Variants in BTBD9 observed in about 807,000 individuals in gnomAD.
BTBD9 encodes BTB/POZ domain-containing protein 9.
BTBD9 carries 49 observed loss-of-function variants against 64.3 expected under a neutral mutation model. That is an observed-to-expected ratio of 0.76 (90% CI 0.61 to 0.97). The LOEUF is 0.97. Among genes scored for constraint, BTBD9 ranks in the 50% least tolerant of loss-of-function variants. BTBD9 has a pLI of 0.00. For missense variants in BTBD9, 598 were observed against 762.1 expected (o/e 0.78, Z 2.53); for synonymous variants, 260 against 274.7 (o/e 0.95, Z 0.53).
At chr6:38,394,642 T>C (rs1222778453) in intron 6 of BTBD9, among the ~76,000 whole-genome samples, 2 of 145,594 alleles carry the variant, frequency 1.4e-5, no homozygotes, top group Non-Finnish European at 3.0e-5. Flanking sequence ...AAAATGACAA[T>C]GTCTGACTTT....
intron 9 of BTBD9, among the ~76,000 whole-genome samples, chr6:38,197,454 ATATT>A (rs1762303719): frequency 6.6e-6 from 1 of 152,172 alleles, no homozygotes; most frequent in Non-Finnish European, 1.5e-5. Flanking sequence ...GGCTCCCAGA[ATATT>A]ATTGACACCT....
chr6:38,543,118 G>C (rs1342998816), intron 6 of BTBD9, among the ~76,000 whole-genome samples: 3 of 152,056 alleles, frequency 2.0e-5, no homozygotes, highest in African/African-American at 7.3e-5. Context: ...CTTCTTTCTT[G>C]TCCTTGTTAC....
chr6:38,507,282 T>C (rs141618922), intron 6 of BTBD9, among the ~76,000 whole-genome samples: 9 of 152,324 alleles, frequency 5.9e-5, no homozygotes, highest in African/African-American at 2.2e-4. Context: ...GGATCTATTC[T>C]CAGCATGTAA....
chr6:38,488,698 A>G (rs1337280355), intron 6 of BTBD9, among the ~76,000 whole-genome samples: 1 of 152,148 alleles, frequency 6.6e-6, no homozygotes, highest in Non-Finnish European at 1.5e-5. Flanking sequence ...TGAAGTCTCA[A>G]CCCATTTTGT....
intron 7 of BTBD9, among the ~76,000 whole-genome samples, chr6:38,324,678 G>T (rs1047693499): frequency 6.6e-6 from 1 of 152,172 alleles, no homozygotes; most frequent in Non-Finnish European, 1.5e-5. Flanking sequence ...AGGGTACGTG[G>T]GAGGAAAAGG....
chr6:38,394,995 G>T (rs531881086), intron 6 of BTBD9, among the ~76,000 whole-genome samples: 9 of 151,990 alleles, frequency 5.9e-5, no homozygotes, highest in African/African-American at 2.2e-4. Flanking sequence ...AGACTGTGAT[G>T]ATCTGAATAT....
intron 1 of BTBD9, 142 bp from the exon 2 acceptor site, chr6:38,598,263 A>G (rs2127497733): frequency 3.3e-6 from 2 of 597,868 alleles, no homozygotes; most frequent in Admixed American, 6.9e-5. Context: ...ATCCTTATTA[A>G]CCCATTTATT....
At chr6:38,558,399 G>A (rs918987855) in intron 6 of BTBD9, among the ~76,000 whole-genome samples, 3 of 152,110 alleles carry the variant, frequency 2.0e-5, no homozygotes, top group Admixed American at 6.5e-5. Context: ...TCCTTCTCCT[G>A]CCTGACTACT....
At chr6:38,243,021 T>C (rs12194178) in intron 9 of BTBD9, among the ~76,000 whole-genome samples, 56,559 of 152,088 alleles carry the variant, frequency 0.37, 11,425 homozygotes, top group Non-Finnish European at 0.46. Context: ...GAAGAACTCA[T>C]AGAGCATTTG....
chr6:38,432,367 C>G (rs527377103), intron 6 of BTBD9, among the ~76,000 whole-genome samples: 7 of 151,932 alleles, frequency 4.6e-5, no homozygotes, highest in Admixed American at 2.6e-4. Context: ...CATTCCTGAG[C>G]GGGAGGAATT....
At chr6:38,506,927 T>C (rs1772552356) in intron 6 of BTBD9, among the ~76,000 whole-genome samples, 1 of 152,190 alleles carries the variant, frequency 6.6e-6, no homozygotes, top group Non-Finnish European at 1.5e-5. Flanking sequence ...TTATACTGTT[T>C]TTCCCTAACT....
chr6:38,335,076 C>T (rs1763841688), intron 7 of BTBD9, among the ~76,000 whole-genome samples: 1 of 151,664 alleles, frequency 6.6e-6, no homozygotes. Context: ...CTTCCTTGCT[C>T]TCTCCCTCTC....
intron 1 of BTBD9, among the ~76,000 whole-genome samples, chr6:38,611,105 T>C (rs1777603976): frequency 6.6e-6 from 1 of 152,062 alleles, no homozygotes; most frequent in African/African-American, 2.4e-5. Flanking sequence ...ACGGAATACA[T>C]GTGAGGATAT....
chr6:38,493,952 C>T (rs1318334645), intron 6 of BTBD9, among the ~76,000 whole-genome samples: 1 of 152,158 alleles, frequency 6.6e-6, no homozygotes, highest in African/African-American at 2.4e-5. Context: ...TTAAACATTT[C>T]GATAACTTGA....
At chr6:38,380,904 A>G (rs138684222) in intron 6 of BTBD9, among the ~76,000 whole-genome samples, 3 of 152,248 alleles carry the variant, frequency 2.0e-5, no homozygotes, top group African/African-American at 7.2e-5. Context: ...CAAATTAAAA[A>G]TGCATGTTAG....
intron 6 of BTBD9, among the ~76,000 whole-genome samples, chr6:38,484,858 G>C (rs891286782): frequency 5.3e-5 from 8 of 152,240 alleles, no homozygotes; most frequent in Admixed American, 6.5e-5. Context: ...GCTGCTGACT[G>C]ATCAGGGTGG....
At chr6:38,331,996 T>C (rs1429710052) in intron 7 of BTBD9, among the ~76,000 whole-genome samples, 2 of 152,206 alleles carry the variant, frequency 1.3e-5, no homozygotes, top group African/African-American at 4.8e-5. Context: ...AGCCAAAAAA[T>C]GGTATTTTGT....
At chr6:38,237,430 G>A (rs1763814893) in intron 9 of BTBD9, among the ~76,000 whole-genome samples, 1 of 152,170 alleles carries the variant, frequency 6.6e-6, no homozygotes, top group Non-Finnish European at 1.5e-5. Context: ...CTAATATCCT[G>A]GTTTTAGCAA....
intron 1 of BTBD9, among the ~76,000 whole-genome samples, chr6:38,638,613 C>A (rs1456109364): frequency 6.6e-6 from 1 of 152,188 alleles, no homozygotes; most frequent in Non-Finnish European, 1.5e-5. Context: ...ATAAGTGTTA[C>A]AAAGCAAGGT....
Sources: gnomAD v4.1 joint callset for allele counts (sites outside exome capture counted in the v4.1 genomes callset) on GRCh38, gnomAD v4.1.1 for gene constraint, MANE v1.5 for transcripts, NCBI Gene and HGNC (gene_info 2026-07-23, HGNC 2026-07-21) for gene names.